CNTNAP5: variants seen among roughly 807,000 people sequenced by gnomAD.
The protein encoded by CNTNAP5 is contactin associated protein family member 5, also known as contactin-associated protein-like 5.
Under a neutral mutation model 150.2 loss-of-function variants are expected in CNTNAP5, and 72 were observed. The observed-to-expected ratio is 0.48, with a 90% confidence interval of 0.40 to 0.58. The LOEUF is 0.58. Ranked by LOEUF, CNTNAP5 falls within the 20% of genes least tolerant of loss-of-function variation. The probability of loss-of-function intolerance (pLI) is 0.00; values close to 1 mark genes in which losing one functional copy is unlikely to be tolerated. For synonymous variants in CNTNAP5, 672 were observed against 619.8 expected (o/e 1.08, Z -1.25); for missense variants, 1,636 against 1,626.2 (o/e 1.01, Z -0.10).
chr2:124,144,007 CAGAG>C (rs1684184569), intron 1 of CNTNAP5, among the ~76,000 whole-genome samples: 1 of 151,584 alleles, frequency 6.6e-6, no homozygotes, highest in Non-Finnish European at 1.5e-5. Context: ...AACAGACAAA[CAGAG>C]AGCCAAATCA....
At chr2:124,243,139 T>C (rs1471395609) in intron 3 of CNTNAP5, among the ~76,000 whole-genome samples, 1 of 152,210 alleles carries the variant, frequency 6.6e-6, no homozygotes. Flanking sequence ...AAAAGTCACC[T>C]GGAGGTAGCT....
intron 14 of CNTNAP5, among the ~76,000 whole-genome samples, chr2:124,763,294 G>A (rs915947684): frequency 2.0e-5 from 3 of 152,140 alleles, no homozygotes; most frequent in Non-Finnish European, 2.9e-5. Context: ...ATTTGTGATG[G>A]CTGTTTCAAG....
intron 19 of CNTNAP5, among the ~76,000 whole-genome samples, chr2:124,798,624 A>G (rs1045265545): frequency 1.4e-4 from 21 of 152,220 alleles, no homozygotes; most frequent in South Asian, 8.3e-4. Context: ...AGAACATCAT[A>G]AGCATATCCG....
chr2:124,539,527 T>C (rs576283008), intron 10 of CNTNAP5, among the ~76,000 whole-genome samples: 1 of 152,316 alleles, frequency 6.6e-6, no homozygotes, highest in East Asian at 1.9e-4. Flanking sequence ...TAGCCCAATC[T>C]TGGACACAAT....
chr2:124,498,373 G>C (rs1194289686), intron 7 of CNTNAP5, among the ~76,000 whole-genome samples: 2 of 152,112 alleles, frequency 1.3e-5, no homozygotes, highest in Non-Finnish European at 2.9e-5. Flanking sequence ...AAATATTTTA[G>C]GCTACAGTTT....
chr2:124,470,318 T>C (rs573865244), intron 6 of CNTNAP5, among the ~76,000 whole-genome samples: 5 of 152,284 alleles, frequency 3.3e-5, no homozygotes, highest in Admixed American at 1.3e-4. Flanking sequence ...TCTCTAATGA[T>C]CAGTGATATT....
intron 19 of CNTNAP5, among the ~76,000 whole-genome samples, chr2:124,809,533 CGT>C (rs1222999701): frequency 5.9e-5 from 9 of 151,642 alleles, no homozygotes; most frequent in Non-Finnish European, 1.0e-4. Flanking sequence ...CAGCCTCCTG[CGT>C]GTCTGGGAAT....
At chr2:124,329,513 AG>A (rs368005871) in intron 3 of CNTNAP5, among the ~76,000 whole-genome samples, 181 of 152,278 alleles carry the variant, frequency 1.2e-3, no homozygotes, top group African/African-American at 4.0e-3. Flanking sequence ...TTTAATTCAA[AG>A]GTGCTCAGCA....
intron 19 of CNTNAP5, among the ~76,000 whole-genome samples, chr2:124,819,413 G>T (rs1175016064): frequency 6.6e-6 from 1 of 152,014 alleles, no homozygotes; most frequent in African/African-American, 2.4e-5. Flanking sequence ...ATGGCAGTAT[G>T]GGTCGGTTTG....
intron 1 of CNTNAP5, among the ~76,000 whole-genome samples, chr2:124,199,376 A>AT (rs201997252): frequency 3.7e-5 from 5 of 135,362 alleles, no homozygotes; most frequent in African/African-American, 1.4e-4. Flanking sequence ...GTATTTTATA[A>AT]TTTTTTCATG....
At chr2:124,355,198 A>T (rs891660938) in intron 3 of CNTNAP5, among the ~76,000 whole-genome samples, 3 of 152,134 alleles carry the variant, frequency 2.0e-5, no homozygotes, top group Non-Finnish European at 4.4e-5. Context: ...TTAGGGGATA[A>T]ATGTTCCACA....
intron 3 of CNTNAP5, among the ~76,000 whole-genome samples, chr2:124,304,924 G>A (rs1032971402): frequency 6.6e-6 from 1 of 151,922 alleles, no homozygotes; most frequent in East Asian, 1.9e-4. Context: ...ACAGGTAATT[G>A]AGTTATGGTA....
At chr2:124,047,745 G>T (rs952834320) in intron 1 of CNTNAP5, among the ~76,000 whole-genome samples, 1 of 152,084 alleles carries the variant, frequency 6.6e-6, no homozygotes, top group Admixed American at 6.5e-5. Context: ...TCCTTACTCA[G>T]CCCTCCTCTC....
At chr2:124,036,285 G>A (rs1681217846) in intron 1 of CNTNAP5, among the ~76,000 whole-genome samples, 1 of 152,184 alleles carries the variant, frequency 6.6e-6, no homozygotes, top group East Asian at 1.9e-4. Context: ...TGGGGAGTAA[G>A]AAGGACTTAT....
chr2:124,025,306 G>T lies in CNTNAP5; in HGVS notation c.-345G>T. 1 of 273,132 alleles carries T rather than the reference G, an allele frequency of 3.7e-6. No homozygotes were observed. The highest frequency in any genetic ancestry group is 7.3e-6 in the Non-Finnish European group (1 of 137,700). The allele number at this position is 273,132 out of a possible 1,614,324, so 16.9% of individuals were successfully genotyped here. A position where few individuals can be genotyped will look rare whatever the true frequency, so the allele number is the denominator to read the frequency against. ...GGTGCTGATTCCAGCTCTCGCGCCC[G>T]ACGAGGTGGATTTGGCTGTCCACCG... On this transcript the variant is annotated 5_prime_UTR_variant, in exon 1 of 24. Transcript: ENST00000682447.
chr2:124,193,838 G>C (rs757674801), intron 1 of CNTNAP5, among the ~76,000 whole-genome samples: 80 of 152,134 alleles, frequency 5.3e-4, no homozygotes, highest in African/African-American at 1.9e-3. Context: ...ACCTTGGAGA[G>C]AAAGAGAGGG....
intron 2 of CNTNAP5, among the ~76,000 whole-genome samples, chr2:124,237,212 T>C (rs941387170): frequency 1.1e-4 from 17 of 152,204 alleles, no homozygotes; most frequent in Non-Finnish European, 1.9e-4. Flanking sequence ...TCAACTCCAG[T>C]TGGTCTTGGA....
At chr2:124,578,928 A>G (rs561106734) in intron 11 of CNTNAP5, among the ~76,000 whole-genome samples, 2 of 152,062 alleles carry the variant, frequency 1.3e-5, no homozygotes, top group African/African-American at 4.8e-5. Context: ...TTATGCCTCT[A>G]TGAAAGATAG....
chr2:124,790,080 G>A lies in CNTNAP5; in HGVS notation c.2931G>A (p.Lys977=). ...ACAACGGGGGCAAGTGTGTGGAGAAGCACAATGGCTACCTGTGTGATTGCA... is the reference window on the plus strand; with the variant it reads ...ACAACGGGGGCAAGTGTGTGGAGAAACACAATGGCTACCTGTGTGATTGCA... The part of the protein sequence containing the change: ...ICHNGGKCVE[K]HNGYLCDCTN... Residue 977 remains lysine (K), a synonymous_variant, in exon 18 of 24, where the codon AAG becomes AAA. Transcript: ENST00000682447. The A allele has an allele frequency of 6.2e-7, 1 of 1,613,912 alleles. No homozygotes were observed. Among genetic ancestry groups the A allele is most frequent in the Non-Finnish European group, 8.5e-7 (1 of 1,179,850 alleles).
Sources: gnomAD v4.1 joint callset for allele counts (sites outside exome capture counted in the v4.1 genomes callset) on GRCh38, gnomAD v4.1.1 for gene constraint, MANE v1.5 for transcripts, NCBI Gene and HGNC (gene_info 2026-07-23, HGNC 2026-07-21) for gene names.